Variants in FUBP3 observed in about 807,000 individuals in gnomAD.
FUBP3 encodes far upstream element binding protein 3.
Under a neutral mutation model 85.6 loss-of-function variants are expected in FUBP3, and 28 were observed. The observed-to-expected ratio is 0.33, with a 90% CI of 0.24 to 0.45. The LOEUF (loss-of-function observed/expected upper bound fraction) is 0.45, where lower values mean the gene tolerates loss of function less well. Ranked by LOEUF, FUBP3 falls within the 20% of genes least tolerant of loss-of-function variation. FUBP3 has a pLI of 1.00. For synonymous variants in FUBP3, 271 were observed against 271.4 expected, an observed-to-expected ratio of 1.00 and a Z score of 0.01; for missense variants, 583 against 755.1, an observed-to-expected ratio of 0.77 and a Z score of 2.67.
In FUBP3 at chr9:130,610,912, C is replaced by A. The variant is rs192980399; in HGVS notation, c.224+925C>A. ...AACTGAAAAATTTAAATGAGGTGAT[C>A]GTTAGTATCAAATGCTGACTTTCCT... On this transcript the variant is annotated intron_variant, in intron 3 of 18. Transcript: ENST00000319725. 8.5e-5 allele frequency among the ~76,000 whole-genome samples: 13 copies of A among 152,176 alleles called. No individual in the cohort carries two copies. The East Asian group carries it at 2.5e-3, about 29-fold the overall frequency.
rs956304282 is a variant in FUBP3, at chr9:130,609,872, G to A, written c.191-82G>A. 12 of 1,098,904 alleles carry A rather than the reference G, an allele frequency of 1.1e-5. No individual in the cohort carries two copies. The South Asian group carries it at 1.2e-4, about 11-fold the overall frequency. The allele number at this position is 1,098,904 out of a possible 1,614,324, so 68.1% of individuals were successfully genotyped here. A position where few individuals can be genotyped will look rare whatever the true frequency, so the allele number is the denominator to read the frequency against. Reference sequence around the variant, plus strand: ...TCTGCCTTTCTTTTCCACCCCACCCGAAATGGTAAGAATGGTAAGGATGAA... The same window carrying A: ...TCTGCCTTTCTTTTCCACCCCACCCAAAATGGTAAGAATGGTAAGGATGAA... On this transcript the variant is annotated intron_variant, in intron 2 of 18. Coordinates refer to ENST00000319725, the MANE Select transcript of FUBP3 (RefSeq NM_003934.2).
rs35428077 is a variant in FUBP3 at position 130,622,630 on chromosome 9, C to CAA, written c.772-64_772-63dup. ...TGGGCAACAGAGCGAGACTCAGTCTCAAAAAAAAAAAAAAAGTGCCCTTTA... is the reference window on the plus strand; with the variant it reads ...TGGGCAACAGAGCGAGACTCAGTCTCAAAAAAAAAAAAAAAAAGTGCCCTTTA... On this transcript the variant is annotated intron_variant, in intron 9 of 18. Coordinates refer to ENST00000319725, the MANE Select transcript of FUBP3 (RefSeq NM_003934.2). 3,816 of 503,816 alleles carry CAA rather than the reference C, an allele frequency of 7.6e-3. 7 individuals are homozygous for CAA. Among genetic ancestry groups the CAA allele is most frequent in the East Asian group, 0.012 (351 of 28,346 alleles). 31.2% of individuals were successfully genotyped at this position (503,816 alleles called of 1,614,324 possible). A position where few individuals can be genotyped will look rare whatever the true frequency, so the allele number is the denominator to read the frequency against.
chr9:130,584,742 G>A (rs1564187428), intron 1 of FUBP3, among the ~76,000 whole-genome samples: 1 of 151,992 alleles, frequency 6.6e-6, no homozygotes, highest in Non-Finnish European at 1.5e-5. Context: ...GGTGGCACAT[G>A]TCTGTAATCC....
chr9:130,634,529 C>T, intron 16 of FUBP3, 138 bp from the exon 17 acceptor site: 1 of 644,432 alleles, frequency 1.6e-6, no homozygotes, highest in Non-Finnish European at 2.7e-6. Context: ...CTGCCACCTC[C>T]TTCCCAGGCA....
intron 15 of FUBP3, 41 bp from the exon 16 acceptor site, chr9:130,632,161 T>G (rs748863157): frequency 1.3e-6 from 2 of 1,548,314 alleles, no homozygotes; most frequent in East Asian, 4.5e-5. Flanking sequence ...CAGGGGTGAC[T>G]TGCCCCCTAT....
At chr9:130,601,547 G>A (rs1483260772) in intron 2 of FUBP3, among the ~76,000 whole-genome samples, 1 of 152,050 alleles carries the variant, frequency 6.6e-6, no homozygotes, top group Non-Finnish European at 1.5e-5. Flanking sequence ...GCCATGCAAG[G>A]GGCTTTGAAA....
chr9:130,610,683 T>C (rs1263927863), intron 3 of FUBP3, among the ~76,000 whole-genome samples: 1 of 152,228 alleles, frequency 6.6e-6, no homozygotes, highest in Non-Finnish European at 1.5e-5. Flanking sequence ...TCTGGAAGGA[T>C]GAATTTTGTG....
chr9:130,586,126 G>C (rs1261409946), intron 1 of FUBP3, among the ~76,000 whole-genome samples: 2 of 152,130 alleles, frequency 1.3e-5, no homozygotes, highest in Non-Finnish European at 2.9e-5. Flanking sequence ...AGCCTCCCAA[G>C]TAGCTGGCAT....
At position 130,616,309 on chromosome 9, in the gene FUBP3, C is replaced by T; in HGVS notation, c.405-46C>T. Reference sequence around the variant, plus strand: ...ATTTCCCTGTCTTGCACACTTAGAGCCTCCATTTAATGCTGGTTCTCTTGT... The same window carrying T: ...ATTTCCCTGTCTTGCACACTTAGAGTCTCCATTTAATGCTGGTTCTCTTGT... On this transcript the variant is annotated intron_variant, in intron 6 of 18. Transcript: ENST00000319725. This position sits in a 1 kb window ranked among gnomAD's most constrained non-coding sequence, Gnocchi z 4.7. 2 of 1,590,374 alleles carry T rather than the reference C, an allele frequency of 1.3e-6. No homozygotes were observed. The highest frequency in any genetic ancestry group is 1.7e-6 in the Non-Finnish European group (2 of 1,159,750).
chr9:130,589,063 A>T (rs1001163776), intron 1 of FUBP3, among the ~76,000 whole-genome samples: 3 of 152,168 alleles, frequency 2.0e-5, no homozygotes, highest in Non-Finnish European at 4.4e-5. Flanking sequence ...AGGGACACAT[A>T]TGTGGATGGC....
intron 2 of FUBP3, among the ~76,000 whole-genome samples, chr9:130,606,043 C>T (rs1831414664): frequency 6.6e-6 from 1 of 152,170 alleles, no homozygotes; most frequent in African/African-American, 2.4e-5. Flanking sequence ...TTTACTTTCA[C>T]TTTTTAAAAA....
At chr9:130,630,976 C>G (rs1325580921) in intron 13 of FUBP3, among the ~76,000 whole-genome samples, 188 bp downstream of exon 13, 1 of 152,132 alleles carries the variant, frequency 6.6e-6, no homozygotes, top group Non-Finnish European at 1.5e-5. Flanking sequence ...GAGCCAGGCC[C>G]AGAAGCAATG....
chr9:130,616,728 G>A lies in FUBP3; in HGVS notation c.567+211G>A, dbSNP rs1832027305. Among the ~76,000 whole-genome samples the A allele has an allele frequency of 6.6e-6, 1 of 152,244 alleles. No individual in the cohort carries two copies. The highest frequency in any genetic ancestry group is 2.4e-5 in the African/African-American group (1 of 41,466). ...AAATATGATGCCAAGTACTAGGGCAGGTGTGCCCTATCAGGGGCCCCAGTG... is the reference window on the plus strand; with the variant it reads ...AAATATGATGCCAAGTACTAGGGCAAGTGTGCCCTATCAGGGGCCCCAGTG... On this transcript the variant is annotated intron_variant, in intron 7 of 18. Transcript: ENST00000319725. The surrounding 1 kb of genome is among the most constrained non-coding windows in gnomAD (Gnocchi z 4.7).
Position 130,611,603 on chromosome 9 carries a change from TGGGTAA to T in FUBP3, c.225-852_225-847del, listed in dbSNP as rs1831747230. On this transcript the variant is annotated intron_variant, in intron 3 of 18. Transcript: ENST00000319725. ...TGCACTTATTCAATCCTTTCTGTGA[TGGGTAA>T]AAACCCAGCTGTGTGAGAGATGTTT... Among the ~76,000 whole-genome samples the T allele has an allele frequency of 3.3e-5, 5 of 152,248 alleles. No homozygotes were observed. In the South Asian group the frequency reaches 1.0e-3, roughly 32 times the overall value.
chr9:130,612,550 C>T lies in FUBP3; in HGVS notation c.274+45C>T, dbSNP rs1477718181. On this transcript the variant is annotated intron_variant, in intron 4 of 18. Transcript: ENST00000319725. The surrounding 1 kb of genome is among the most constrained non-coding windows in gnomAD (Gnocchi z 4.1). The stretch of plus-strand genomic sequence containing the variant: ...ACTTTTTCCCTGATTCCTGTCTCTT[C>T]TTTTTCTCTCTTTTTTTCTGAGCTG... The T allele has an allele frequency of 8.6e-7, 1 of 1,158,406 alleles. No individual in the cohort carries two copies. The highest frequency in any genetic ancestry group is 1.3e-5 in the South Asian group (1 of 78,854). 71.8% of individuals were successfully genotyped at this position (1,158,406 alleles called of 1,614,324 possible).
intron 1 of FUBP3, chr9:130,580,517 C>G (rs535071002): frequency 6.6e-6 from 1 of 152,236 alleles, no homozygotes; most frequent in Non-Finnish European, 1.5e-5. Context: ...TCATTTGTAT[C>G]TAAAACTTAC....
At chr9:130,588,654 AAGG>A (rs1830453540) in intron 1 of FUBP3, among the ~76,000 whole-genome samples, 1 of 152,184 alleles carries the variant, frequency 6.6e-6, no homozygotes, top group Admixed American at 6.6e-5. Flanking sequence ...GTCCCACGGT[AAGG>A]AGAATAGTAG....
chr9:130,581,251 A>G (rs537445011), intron 1 of FUBP3: 2 of 152,224 alleles, frequency 1.3e-5, no homozygotes, highest in Non-Finnish European at 2.9e-5. Context: ...CAGTGGTTGA[A>G]CTCATATTCT....
Position 130,595,521 on chromosome 9 carries a change from T to C in FUBP3, c.123T>C (p.Asn41=). 1 of 1,594,116 alleles carries C rather than the reference T, an allele frequency of 6.3e-7. No homozygotes were observed. The highest frequency in any genetic ancestry group is 1.1e-5 in the South Asian group (1 of 90,712). ...TTGATTCAATTCCTCACTTGAATAATTCCACACCTCTAGTGGACCCCTCAG... is the reference window on the plus strand; with the variant it reads ...TTGATTCAATTCCTCACTTGAATAACTCCACACCTCTAGTGGACCCCTCAG... ...AKIDSIPHLN[N]STPLVDPSVY... is the part of the protein sequence containing the mutation. The change falls in exon 2 of 19, where the codon AAT becomes AAC. Residue 41 remains asparagine (N), a synonymous_variant. Transcript: ENST00000319725.
Sources: gnomAD v4.1 joint callset for allele counts (sites outside exome capture counted in the v4.1 genomes callset) on GRCh38, gnomAD v4.1.1 for gene constraint, Gnocchi (gnomAD v3.1) non-coding constraint, MANE v1.5 for transcripts, NCBI Gene and HGNC (gene_info 2026-07-23, HGNC 2026-07-21) for gene names.